Variants in DNAAF9 observed in about 807,000 individuals in gnomAD.
DNAAF9 encodes shulin.
A neutral mutation model predicts 167.0 loss-of-function variants in DNAAF9; 90 were observed. The observed-to-expected ratio is 0.54, with a 90% CI of 0.45 to 0.64. The LOEUF (loss-of-function observed/expected upper bound fraction) is 0.64. DNAAF9 is among the 30% of genes least tolerant of loss of function. The pLI is 0.00. For missense variants in DNAAF9, 1,315 were observed against 1,442.2 expected (o/e 0.91, Z 1.43); for synonymous variants, 491 against 508.8 (o/e 0.96, Z 0.47).
At chr20:3,260,305 G>A (rs1441271608) in intron 31 of DNAAF9, among the ~76,000 whole-genome samples, 1 of 152,072 alleles carries the variant, frequency 6.6e-6, no homozygotes, top group African/African-American at 2.4e-5. Context: ...CGCCACTGCA[G>A]TCCGCAGTCC....
intron 1 of DNAAF9, among the ~76,000 whole-genome samples, chr20:3,393,648 C>T (rs239487): frequency 0.74 from 113,099 of 152,238 alleles, 42,210 homozygotes; most frequent in African/African-American, 0.82. Context: ...AACAATGCTA[C>T]GGTGAGCAAC....
chr20:3,394,278 C>T (rs888916686), intron 1 of DNAAF9, among the ~76,000 whole-genome samples: 6 of 149,324 alleles, frequency 4.0e-5, no homozygotes, highest in African/African-American at 9.9e-5. Context: ...GCGGAGGTTG[C>T]GGTGAGCTGA....
At chr20:3,334,980 T>C (rs2069909337) in intron 10 of DNAAF9, among the ~76,000 whole-genome samples, 1 of 152,210 alleles carries the variant, frequency 6.6e-6, no homozygotes, top group Non-Finnish European at 1.5e-5. Flanking sequence ...TTACTAGACA[T>C]TCAACAAGGA....
intron 11 of DNAAF9, 103 bp downstream of exon 11, chr20:3,332,177 C>T: frequency 3.0e-6 from 2 of 665,654 alleles, no homozygotes; most frequent in Non-Finnish European, 2.7e-6. Flanking sequence ...AATTGGGTAA[C>T]CTGAGCTTCC....
At chr20:3,313,560 G>A (rs903774248) in intron 20 of DNAAF9, among the ~76,000 whole-genome samples, 1 of 152,190 alleles carries the variant, frequency 6.6e-6, no homozygotes, top group African/African-American at 2.4e-5. Context: ...GGAAAGAACA[G>A]GAGTCATAAG....
intron 29 of DNAAF9, among the ~76,000 whole-genome samples, chr20:3,276,573 A>T (rs2068679145): frequency 6.6e-6 from 1 of 152,194 alleles, no homozygotes; most frequent in African/African-American, 2.4e-5. Flanking sequence ...CTCTTGTGAG[A>T]CAAGCCCAGG....
In DNAAF9 at chr20:3,316,712, A is replaced by C. The variant is rs1265142985; in HGVS notation, c.1539+11T>G. On this transcript the variant is annotated intron_variant, in intron 18 of 36. Coordinates refer to ENST00000252032, the MANE Select transcript of DNAAF9 (RefSeq NM_001009984.3). ...ACGTAGGTCCACTTCCACCTGATGAATGACACTAACCAGCCAGGAGCAGAA... is the reference window on the plus strand; with the variant it reads ...ACGTAGGTCCACTTCCACCTGATGACTGACACTAACCAGCCAGGAGCAGAA... The C allele has an allele frequency of 6.2e-7, 1 of 1,606,132 alleles. No homozygotes were observed. Among genetic ancestry groups the C allele is most frequent in the Non-Finnish European group, 8.5e-7 (1 of 1,173,044 alleles).
At chr20:3,371,011 A>T (rs1359358371) in intron 6 of DNAAF9, among the ~76,000 whole-genome samples, 3 of 151,922 alleles carry the variant, frequency 2.0e-5, no homozygotes, top group African/African-American at 7.3e-5. Flanking sequence ...TTTCAATATC[A>T]CCAATTTCCA....
At chr20:3,344,590 TACACACAC>T (rs4053351) in intron 8 of DNAAF9, among the ~76,000 whole-genome samples, 62,563 of 144,614 alleles carry the variant, frequency 0.43, 13,260 homozygotes, top group Middle Eastern at 0.58. Flanking sequence ...TACACACACA[TACACACAC>T]ACACACACAC....
intron 21 of DNAAF9, among the ~76,000 whole-genome samples, chr20:3,300,011 T>C (rs1407099799): frequency 2.0e-5 from 3 of 152,148 alleles, no homozygotes; most frequent in Non-Finnish European, 1.5e-5. Context: ...AAAGTGATTC[T>C]TGTGCCTCAG....
Position 3,278,955 on chromosome 20 carries a change from G to A in DNAAF9, c.2613-6C>T. 6.3e-7 allele frequency: 1 copy of A among 1,581,002 alleles called. No individual in the cohort carries two copies. The highest frequency in any genetic ancestry group is 1.1e-5 in the South Asian group (1 of 89,212). On this transcript the variant is annotated splice_region_variant and splice_polypyrimidine_tract_variant and intron_variant, in intron 28 of 36. Coordinates refer to ENST00000252032, the MANE Select transcript of DNAAF9 (RefSeq NM_001009984.3). Reference sequence around the variant, plus strand: ...GACATTTAGGAAAGAGAAATCTAGGGGGAAAAAAGGGGGAAATATTTAAAA... The same window carrying A: ...GACATTTAGGAAAGAGAAATCTAGGAGGAAAAAAGGGGGAAATATTTAAAA...
intron 6 of DNAAF9, among the ~76,000 whole-genome samples, chr20:3,372,721 C>T (rs956225881): frequency 1.3e-5 from 2 of 152,204 alleles, no homozygotes; most frequent in African/African-American, 4.8e-5. Context: ...CCAGCTCTGC[C>T]TCTCACTAGC....
rs193234235 is a variant in DNAAF9, at chr20:3,363,408, G to A, written c.613-3815C>T. Among the ~76,000 whole-genome samples, 592 of 151,172 alleles carry A rather than the reference G, an allele frequency of 3.9e-3. 3 individuals carry two copies. Among genetic ancestry groups the A allele is most frequent in the South Asian group, 0.012 (57 of 4,790 alleles). On this transcript the variant is annotated intron_variant, in intron 6 of 36. Coordinates refer to ENST00000252032, the MANE Select transcript of DNAAF9 (RefSeq NM_001009984.3). ...GAACCCAGGAGGCAGAGGTTGCGGT[G>A]AGCCGAGACCATGCCATTGCTCTCC...
At chr20:3,312,084 G>A (rs1386199588) in intron 20 of DNAAF9, among the ~76,000 whole-genome samples, 1 of 151,630 alleles carries the variant, frequency 6.6e-6, no homozygotes, top group Non-Finnish European at 1.5e-5. Context: ...TGCCTCCCAG[G>A]TTCAAGCGAT....
intron 20 of DNAAF9, among the ~76,000 whole-genome samples, chr20:3,305,888 C>G (rs1381098593): frequency 6.6e-6 from 1 of 152,188 alleles, no homozygotes; most frequent in Non-Finnish European, 1.5e-5. Context: ...AACAAGTAGC[C>G]TGGCTTTCTG....
chr20:3,394,572 G>C (rs1050305891), intron 1 of DNAAF9, among the ~76,000 whole-genome samples: 1 of 151,930 alleles, frequency 6.6e-6, no homozygotes, highest in Non-Finnish European at 1.5e-5. Context: ...ATATATGTTG[G>C]TTTATAAAAA....
chr20:3,293,643 C>A (rs1297881565), intron 25 of DNAAF9, among the ~76,000 whole-genome samples: 1 of 140,296 alleles, frequency 7.1e-6, no homozygotes, highest in South Asian at 2.3e-4. Flanking sequence ...CGAGATCACG[C>A]CAGTGCACTC....
chr20:3,342,309 T>C (rs1259530097), intron 9 of DNAAF9, among the ~76,000 whole-genome samples: 2 of 152,200 alleles, frequency 1.3e-5, no homozygotes, highest in Admixed American at 1.3e-4. Flanking sequence ...TGGGCTCTCC[T>C]GTGATGGGCT....
intron 26 of DNAAF9, among the ~76,000 whole-genome samples, chr20:3,288,735 G>A (rs1440050383): frequency 6.6e-6 from 1 of 152,166 alleles, no homozygotes; most frequent in East Asian, 1.9e-4. Flanking sequence ...TGCAAGGGTT[G>A]TTTGGTAATC....
Sources: allele counts gnomAD v4.1 joint callset (sites outside exome capture counted in the v4.1 genomes callset), GRCh38; gene constraint gnomAD v4.1.1; transcripts MANE v1.5; gene names NCBI Gene and HGNC (gene_info 2026-07-23, HGNC 2026-07-21).